SYNE1: variants seen among roughly 807,000 people sequenced by gnomAD.
SYNE1 encodes the protein spectrin repeat containing nuclear envelope protein 1, also known as nesprin-1.
SYNE1 carries 616 observed loss-of-function variants against 1,111.0 expected under a neutral mutation model. The observed-to-expected ratio is 0.55, with a 90% CI of 0.52 to 0.59. SYNE1 has a LOEUF of 0.59. Ranked by LOEUF, SYNE1 falls within the 20% of genes least tolerant of loss-of-function variation. The pLI is 0.00. For missense variants in SYNE1, 10,006 were observed against 10,417.0 expected, an observed-to-expected ratio of 0.96 and a Z score of 1.72; for synonymous variants, 3,855 against 3,825.8, an observed-to-expected ratio of 1.01 and a Z score of -0.28.
chr6:152,555,893 C>G (rs1013710945), intron 3 of SYNE1, among the ~76,000 whole-genome samples: 1 of 152,162 alleles, frequency 6.6e-6, no homozygotes, highest in African/African-American at 2.4e-5. Context: ...ATAAAACTTA[C>G]TACTGTATCT....
chr6:152,393,129 G>A (rs1315949798), intron 51 of SYNE1, among the ~76,000 whole-genome samples: 2 of 152,160 alleles, frequency 1.3e-5, no homozygotes, highest in Non-Finnish European at 2.9e-5. Context: ...GACTGAAACT[G>A]CAAGAAGGAT....
rs542715043 is a variant in SYNE1, at chr6:152,148,496, T to C, written c.24643-118A>G. On this transcript the variant is annotated intron_variant, in intron 136 of 145. Coordinates refer to ENST00000367255, the MANE Select transcript of SYNE1 (RefSeq NM_182961.4). This position sits in a 1 kb window ranked among gnomAD's most constrained non-coding sequence, Gnocchi z 4.1. ...CTTCTTATGAGCAAATAAATAAGAA[T>C]CTTCTGATCACAGAAATACAGGGGA... 3.0e-5 allele frequency: 26 copies of C among 873,030 alleles called. No individual in the cohort carries two copies. The East Asian group carries it at 5.8e-4, about 20-fold the overall frequency. The allele number at this position is 873,030 out of a possible 1,614,324, so 54.1% of individuals were successfully genotyped here. A position where few individuals can be genotyped will look rare whatever the true frequency, so the allele number is the denominator to read the frequency against.
intron 11 of SYNE1, among the ~76,000 whole-genome samples, chr6:152,493,927 C>T (rs560685242): frequency 1.6e-3 from 249 of 152,284 alleles, no homozygotes; most frequent in African/African-American, 5.7e-3. Context: ...CTCGTCTTTC[C>T]GTTCCTTAAA....
At chr6:152,609,301 A>G (rs1054338070) in intron 3 of SYNE1, among the ~76,000 whole-genome samples, 1 of 152,152 alleles carries the variant, frequency 6.6e-6, no homozygotes, top group Non-Finnish European at 1.5e-5. Flanking sequence ...CTTAGCAACC[A>G]GAAGACAAGG....
At chr6:152,167,972 G>A (rs756570657) in intron 130 of SYNE1, 2 of 777,366 alleles carry the variant, frequency 2.6e-6, no homozygotes, top group African/African-American at 3.4e-5. Context: ...GAGTCCACAT[G>A]GCCAGCTATC....
At position 152,278,166 on chromosome 6, in the gene SYNE1, C is replaced by G; in HGVS notation, c.18496G>C (p.Ala6166Pro). 1 of 1,614,186 alleles carries G rather than the reference C, an allele frequency of 6.2e-7. No homozygotes were observed. The highest frequency in any genetic ancestry group is 8.5e-7 in the Non-Finnish European group (1 of 1,180,044). Reference sequence around the variant, plus strand: ...CCCTTGAGCCTTCTCAGCTTTCCAGCCAGCTGCTCGGCCTCGTCCTTGGTG... The same window carrying G: ...CCCTTGAGCCTTCTCAGCTTTCCAGGCAGCTGCTCGGCCTCGTCCTTGGTG... Reference protein sequence around the residue: ...AHTKDEAEQLAGKLRRLKGSL... With the variant: ...AHTKDEAEQLPGKLRRLKGSL... Residue 6166 changes from alanine to proline, a missense_variant, in exon 98 of 146, where the codon GCT (alanine) becomes CCT (proline). Ala to Pro is a conservative substitution (Grantham distance 27). Around this residue, in one of 7 missense-constraint regions of SYNE1, gnomAD observed 99 missense variants for 147.8 expected, o/e 0.67. Transcript: ENST00000367255.
chr6:152,369,439 C>T (rs1293270233), intron 60 of SYNE1, 32 bp downstream of exon 60: 12 of 1,613,916 alleles, frequency 7.4e-6, no homozygotes, highest in Non-Finnish European at 1.0e-5. Flanking sequence ...AAGACTAGGT[C>T]AGATGGGGCT....
chr6:152,211,495 T>G lies in SYNE1; in HGVS notation c.22588A>C (p.Arg7530=). ...GTAATAATTTATCAAAGATCCTACC[T>G]GTCATCAACTTGACCTTGTTCTAGA... ...RLLEQGQVDD[R]DEFNLKLTLL... is the part of the protein sequence containing the mutation. The change falls in exon 124 of 146, where the codon AGG becomes CGG. Residue 7530 remains arginine (R), a splice_region_variant and synonymous_variant. Coordinates refer to ENST00000367255, the MANE Select transcript of SYNE1 (RefSeq NM_182961.4). The G allele has an allele frequency of 6.2e-7, 1 of 1,612,198 alleles. No homozygotes were observed. The highest frequency in any genetic ancestry group is 8.5e-7 in the Non-Finnish European group (1 of 1,178,416).
chr6:152,490,225 T>C (rs2098962984), intron 11 of SYNE1, among the ~76,000 whole-genome samples: 1 of 152,214 alleles, frequency 6.6e-6, no homozygotes, highest in Admixed American at 6.5e-5. Flanking sequence ...GTGTAGGTTA[T>C]ATGCAAATAC....
chr6:152,155,166 C>T (rs547600227), intron 132 of SYNE1, 124 bp from the exon 133 acceptor site: 2 of 1,204,462 alleles, frequency 1.7e-6, no homozygotes, highest in African/African-American at 3.0e-5. Flanking sequence ...CAAACGATAA[C>T]CATTCCTCGA....
chr6:152,591,243 T>C (rs2128515109), intron 3 of SYNE1, among the ~76,000 whole-genome samples: 1 of 152,288 alleles, frequency 6.6e-6, no homozygotes, highest in South Asian at 2.1e-4. Context: ...GTTATCACAC[T>C]ACCCATCTTT....
chr6:152,404,138 G>T, intron 46 of SYNE1, 75 bp downstream of exon 46: 1 of 937,356 alleles, frequency 1.1e-6, no homozygotes. Context: ...CACACACACA[G>T]AGACAGAGAA....
intron 3 of SYNE1, among the ~76,000 whole-genome samples, chr6:152,550,940 A>C (rs1317334979): frequency 1.3e-5 from 2 of 152,180 alleles, no homozygotes; most frequent in Non-Finnish European, 2.9e-5. Context: ...CTCAGAGAGT[A>C]ATAATCACAA....
At chr6:152,295,047 A>G (rs1053029095) in intron 93 of SYNE1, among the ~76,000 whole-genome samples, 1 of 152,238 alleles carries the variant, frequency 6.6e-6, no homozygotes, top group African/African-American at 2.4e-5. Flanking sequence ...AGAAGGCTCC[A>G]GCCGTCTGAG....
intron 77 of SYNE1, 147 bp downstream of exon 77, chr6:152,333,861 G>A (rs2096311029): frequency 6.5e-6 from 7 of 1,070,468 alleles, no homozygotes; most frequent in Non-Finnish European, 9.9e-6. Context: ...TCGAACTCCT[G>A]ACCTCAACTA....
chr6:152,408,814 AT>A (rs1156886512), intron 44 of SYNE1, among the ~76,000 whole-genome samples: 8 of 152,144 alleles, frequency 5.3e-5, no homozygotes, highest in Non-Finnish European at 1.0e-4. Flanking sequence ...TTAGCTGGGC[AT>A]GGTGGCGCAT....
rs2099690291 is a variant in SYNE1 at position 152,628,294 on chromosome 6, T to G, written c.38A>C (p.Asp13Ala). ...CAGCCTCTGCATCACATTGGCGATA[T>G]CCCGAGGACACCGGGAGGCCCCTCT... ...TSRGASRCPR[D>A]IANVMQRLQD... The change falls in exon 3 of 146, where the codon GAT becomes GCT. Residue 13 changes from aspartate to alanine, a missense_variant. Coordinates refer to ENST00000367255, the MANE Select transcript of SYNE1 (RefSeq NM_182961.4). 1 of 1,614,018 alleles carries G rather than the reference T, an allele frequency of 6.2e-7. No homozygotes were observed. Among genetic ancestry groups the G allele is most frequent in the Non-Finnish European group, 8.5e-7 (1 of 1,180,040 alleles).
chr6:152,600,853 C>T (rs575228509), intron 3 of SYNE1, among the ~76,000 whole-genome samples: 1 of 152,088 alleles, frequency 6.6e-6, no homozygotes, highest in African/African-American at 2.4e-5. Flanking sequence ...AATGTATGCA[C>T]TGTGAAATTA....
chr6:152,422,799 A>G (rs1592372364), intron 39 of SYNE1, among the ~76,000 whole-genome samples: 1 of 152,370 alleles, frequency 6.6e-6, no homozygotes, highest in East Asian at 1.9e-4. Flanking sequence ...ATGAGCCATC[A>G]CACCCAATCT....
Sources: gnomAD v4.1 joint callset for allele counts (sites outside exome capture counted in the v4.1 genomes callset) on GRCh38, gnomAD v4.1.1 for gene constraint, gnomAD v4.1.1 regional missense constraint, Gnocchi (gnomAD v3.1) non-coding constraint, MANE v1.5 for transcripts, NCBI Gene and HGNC (gene_info 2026-07-23, HGNC 2026-07-21) for gene names.